OSBPL11: variants seen among roughly 807,000 people sequenced by gnomAD.
OSBPL11 encodes oxysterol-binding protein-related protein 11.
OSBPL11 carries 33 observed loss-of-function variants against 84.4 expected under a neutral mutation model. That is an observed-to-expected ratio of 0.39 (90% CI 0.30 to 0.52). The LOEUF (loss-of-function observed/expected upper bound fraction) is 0.52. Ranked by LOEUF, OSBPL11 falls within the 20% of genes least tolerant of loss-of-function variation. The pLI, the probability that OSBPL11 is intolerant of heterozygous loss-of-function variation, is 0.72. For missense variants in OSBPL11, 736 were observed against 901.1 expected (o/e 0.82, Z 2.35); for synonymous variants, 276 against 310.2 (o/e 0.89, Z 1.16).
chr3:125,586,853 A>C (rs1203624880), intron 1 of OSBPL11, among the ~76,000 whole-genome samples: 1 of 152,204 alleles, frequency 6.6e-6, no homozygotes, highest in Non-Finnish European at 1.5e-5. Flanking sequence ...CAGACTTAAG[A>C]TAGATAAAAG....
intron 1 of OSBPL11, among the ~76,000 whole-genome samples, 189 bp downstream of exon 1, chr3:125,594,448 T>C (rs1936648494): frequency 6.6e-6 from 1 of 152,232 alleles, no homozygotes; most frequent in Admixed American, 6.5e-5. Context: ...CTTCCATAAA[T>C]ACCTGTTGAA....
At chr3:125,546,462 A>AG (rs1368541952) in intron 10 of OSBPL11, among the ~76,000 whole-genome samples, 1 of 151,998 alleles carries the variant, frequency 6.6e-6, no homozygotes, top group East Asian at 1.9e-4. Context: ...CCTCCTGAAT[A>AG]GCTGGGATTA....
intron 10 of OSBPL11, among the ~76,000 whole-genome samples, chr3:125,544,415 TA>T (rs1253207369): frequency 6.6e-6 from 1 of 152,182 alleles, no homozygotes; most frequent in East Asian, 1.9e-4. Flanking sequence ...AAAAAACAGT[TA>T]TATAAATGTT....
intron 2 of OSBPL11, among the ~76,000 whole-genome samples, chr3:125,581,002 A>ACG (rs1459811262): frequency 6.6e-6 from 1 of 152,198 alleles, no homozygotes; most frequent in Non-Finnish European, 1.5e-5. Flanking sequence ...TTGATGAAAT[A>ACG]CTAATACACT....
At chr3:125,557,567 G>A (rs144198799) in intron 8 of OSBPL11, among the ~76,000 whole-genome samples, 218 of 151,652 alleles carry the variant, frequency 1.4e-3, no homozygotes, top group Middle Eastern at 0.01. Flanking sequence ...TAGTAGAGAC[G>A]GGGTTTCACC....
rs576971824 is a variant in OSBPL11 at position 125,564,797 on chromosome 3, G to C, written c.869-954C>G. 3.9e-4 allele frequency among the ~76,000 whole-genome samples: 59 copies of C among 152,064 alleles called. 1 individual carries two copies. The South Asian group carries it at 0.012, about 32-fold the overall frequency. ...AGCCTCCCGGGTAGCTGGGACTACA[G>C]GTGCTCACCACCATGCCTGGCTAAT... On this transcript the variant is annotated intron_variant, in intron 6 of 12. Transcript: ENST00000296220.
At chr3:125,583,320 C>T (rs1240945540) in intron 1 of OSBPL11, among the ~76,000 whole-genome samples, 2 of 151,932 alleles carry the variant, frequency 1.3e-5, no homozygotes, top group Non-Finnish European at 2.9e-5. Context: ...GTGGCTCGAA[C>T]CTGTAATCCC....
intron 9 of OSBPL11, 101 bp from the exon 10 acceptor site, chr3:125,547,693 AT>A: frequency 1.1e-6 from 1 of 894,830 alleles, no homozygotes; most frequent in South Asian, 2.0e-5. Context: ...AAGCATCATT[AT>A]TTTTCCTAAC....
chr3:125,577,890 A>G (rs1936354428), intron 4 of OSBPL11, among the ~76,000 whole-genome samples: 1 of 152,166 alleles, frequency 6.6e-6, no homozygotes, highest in South Asian at 2.1e-4. Flanking sequence ...TGGGAATGTA[A>G]AAAAGTGTGG....
At chr3:125,549,659 T>A (rs11713625) in intron 9 of OSBPL11, among the ~76,000 whole-genome samples, 18,894 of 151,886 alleles carry the variant, frequency 0.12, 1,289 homozygotes, top group African/African-American at 0.17. Flanking sequence ...TTTTTTTTTT[T>A]AAATTTTTGT....
At chr3:125,568,829 C>T (rs77362937) in intron 5 of OSBPL11, among the ~76,000 whole-genome samples, 10,330 of 152,306 alleles carry the variant, frequency 0.068, 471 homozygotes, top group Non-Finnish European at 0.098. Context: ...GCTTAATGAC[C>T]TTCAGGTGTG....
intron 8 of OSBPL11, among the ~76,000 whole-genome samples, chr3:125,558,001 C>A (rs1332347585): frequency 6.6e-6 from 1 of 151,968 alleles, no homozygotes; most frequent in African/African-American, 2.4e-5. Context: ...GCCATGTTGG[C>A]TAGGCTGGTC....
chr3:125,571,773 A>G (rs750456773), intron 5 of OSBPL11, among the ~76,000 whole-genome samples: 1 of 152,202 alleles, frequency 6.6e-6, no homozygotes, highest in East Asian at 1.9e-4. Context: ...GTAAGGAAAC[A>G]CCTGGATGCC....
rs752114945 is a variant in OSBPL11, at chr3:125,579,037, T to C, written c.412A>G (p.Thr138Ala). Residue 138 changes from threonine (T) to alanine (A), a missense_variant and splice_region_variant, in exon 4 of 13, where the codon ACA (threonine) becomes GCA (alanine). Physicochemically the swap from Thr to Ala is moderately conservative, Grantham distance 58. Transcript: ENST00000296220. Reference sequence around the variant, plus strand: ...CAGTGCTGTCGCTCTTTTGCATCTGTAGCTGTTAAAAGAATGTAAAAATTA... The same window carrying C: ...CAGTGCTGTCGCTCTTTTGCATCTGCAGCTGTTAAAAGAATGTAAAAATTA... ...ASGEQYKLRA[T>A]DAKERQHWVS... 8 of 1,584,018 alleles carry C rather than the reference T, an allele frequency of 5.1e-6. No individual in the cohort carries two copies. Among genetic ancestry groups the C allele is most frequent in the East Asian group, 4.5e-5 (2 of 44,102 alleles).
intron 11 of OSBPL11, among the ~76,000 whole-genome samples, chr3:125,535,257 T>G (rs962005314): frequency 5.9e-5 from 9 of 151,958 alleles, no homozygotes; most frequent in Non-Finnish European, 2.9e-5. Flanking sequence ...AACCAATTCC[T>G]TGAAAGACAA....
rs1187002874 is a variant in OSBPL11, at chr3:125,563,715, A to G, written c.997T>C (p.Ser333Pro). Residue 333 changes from serine to proline, a missense_variant, in exon 7 of 13, where the codon TCT (serine) becomes CCT (proline). Coordinates refer to ENST00000296220, the MANE Select transcript of OSBPL11 (RefSeq NM_022776.5). ...TACCTTACCCTCGCTAATAGTCCAG[A>G]TTCTGCAACAGGCTGCTCTTCTGGG... ...AVPEEQPVAE[S>P]GLLAREPEEI... 1.2e-6 allele frequency: 2 copies of G among 1,614,048 alleles called. No homozygotes were observed. The highest frequency in any genetic ancestry group is 2.7e-5 in the African/African-American group (2 of 74,934).
chr3:125,532,164 T>C (rs975766243), intron 11 of OSBPL11, 150 bp from the exon 12 acceptor site: 6 of 737,454 alleles, frequency 8.1e-6, no homozygotes, highest in South Asian at 7.3e-5. Context: ...AGAATAACGA[T>C]ACTGTGCTGC....
chr3:125,531,732 G>T (rs1935558813), intron 12 of OSBPL11, 129 bp downstream of exon 12: 2 of 887,844 alleles, frequency 2.3e-6, no homozygotes, highest in African/African-American at 1.7e-5. Context: ...AAAACAGTTG[G>T]TATTTATATA....
intron 1 of OSBPL11, among the ~76,000 whole-genome samples, chr3:125,587,350 T>C (rs1190279262): frequency 6.6e-6 from 1 of 152,202 alleles, no homozygotes; most frequent in Non-Finnish European, 1.5e-5. Flanking sequence ...CAACTTAAGA[T>C]GTTAAATTTA....
Sources: allele counts gnomAD v4.1 joint callset (sites outside exome capture counted in the v4.1 genomes callset), GRCh38; gene constraint gnomAD v4.1.1; transcripts MANE v1.5; gene names NCBI Gene and HGNC (gene_info 2026-07-23, HGNC 2026-07-21).